The following GRIK4 variants were observed in gnomAD, a reference collection of about 807,000 sequenced individuals.
GRIK4 encodes the protein glutamate ionotropic receptor kainate type subunit 4.
In GRIK4, 40 loss-of-function variants were observed where a neutral mutation model predicts 104.9. That is an observed-to-expected ratio of 0.38 (90% confidence interval 0.30 to 0.50). The LOEUF is 0.50. Among genes scored for constraint, GRIK4 ranks in the 20% least tolerant of loss-of-function variants. The pLI is 0.93. For missense variants in GRIK4, 1,047 were observed against 1,308.1 expected (o/e 0.80, Z 3.08); for synonymous variants, 485 against 524.9 (o/e 0.92, Z 1.04).
intron 1 of GRIK4, among the ~76,000 whole-genome samples, chr11:120,636,864 G>C (rs1189704971): frequency 6.6e-6 from 1 of 151,890 alleles, no homozygotes; most frequent in Non-Finnish European, 1.5e-5. Flanking sequence ...GGAAGGAAGA[G>C]TTCTACTCTC....
chr11:120,516,049 C>T (rs1238764214), intron 1 of GRIK4, among the ~76,000 whole-genome samples: 3 of 152,174 alleles, frequency 2.0e-5, no homozygotes, highest in Non-Finnish European at 2.9e-5. Context: ...TGGGCATCCT[C>T]TGCCTTAAAA....
intron 18 of GRIK4, among the ~76,000 whole-genome samples, chr11:120,963,229 T>C (rs946467537): frequency 6.6e-6 from 1 of 152,208 alleles, no homozygotes; most frequent in Admixed American, 6.5e-5. Flanking sequence ...GTGTGGGTCA[T>C]GGAGAAGGGG....
At chr11:120,527,897 T>C (rs1469656760) in intron 1 of GRIK4, among the ~76,000 whole-genome samples, 1 of 152,212 alleles carries the variant, frequency 6.6e-6, no homozygotes, top group African/African-American at 2.4e-5. Flanking sequence ...GGTTAACCCC[T>C]TCAGCTGCTT....
chr11:120,819,203 C>T lies in GRIK4; in HGVS notation c.346-552C>T, dbSNP rs143162048. ...CTCCATGTGCGCATGTGTGTCTGTG[C>T]GGGAGCCCATCCCCGCCCCACTTCC... On this transcript the variant is annotated intron_variant, in intron 5 of 20. Coordinates refer to ENST00000527524, the MANE Select transcript of GRIK4 (RefSeq NM_014619.5). This position sits in a 1 kb window ranked among gnomAD's most constrained non-coding sequence, Gnocchi z 4.3. 3.9e-4 allele frequency among the ~76,000 whole-genome samples: 59 copies of T among 152,274 alleles called. 1 individual carries two copies. The East Asian group carries it at 8.9e-3, about 23-fold the overall frequency.
At chr11:120,942,376 C>T (rs535233271) in intron 14 of GRIK4, among the ~76,000 whole-genome samples, 3 of 152,290 alleles carry the variant, frequency 2.0e-5, no homozygotes, top group South Asian at 2.1e-4. Flanking sequence ...CCCCTGGAGT[C>T]GGGGGACATC....
chr11:120,610,618 A>C (rs1259652802), intron 1 of GRIK4, among the ~76,000 whole-genome samples: 1 of 152,082 alleles, frequency 6.6e-6, no homozygotes, highest in African/African-American at 2.4e-5. Flanking sequence ...GGTAGGGGAC[A>C]CTGTCATTCA....
intron 5 of GRIK4, among the ~76,000 whole-genome samples, chr11:120,817,386 G>C (rs966371114): frequency 1.3e-5 from 2 of 152,206 alleles, no homozygotes. Flanking sequence ...ACCCGCCTTT[G>C]TCTGGTTATG....
At chr11:120,541,843 T>C (rs1202914332) in intron 1 of GRIK4, among the ~76,000 whole-genome samples, 1 of 152,100 alleles carries the variant, frequency 6.6e-6, no homozygotes, top group Non-Finnish European at 1.5e-5. Context: ...TTGGAAGATA[T>C]CCCATGGATT....
intron 1 of GRIK4, among the ~76,000 whole-genome samples, chr11:120,631,891 G>C (rs1292227587): frequency 1.3e-5 from 2 of 151,852 alleles, no homozygotes; most frequent in Non-Finnish European, 2.9e-5. Flanking sequence ...TTGGAGCTTG[G>C]TGGGGTGGGG....
chr11:120,528,425 T>C (rs1311691281), intron 1 of GRIK4, among the ~76,000 whole-genome samples: 1 of 152,212 alleles, frequency 6.6e-6, no homozygotes, highest in Non-Finnish European at 1.5e-5. Flanking sequence ...AATTTTTTTA[T>C]ATTAAGTCTG....
intron 1 of GRIK4, among the ~76,000 whole-genome samples, chr11:120,569,211 C>A (rs1948367422): frequency 6.6e-6 from 1 of 152,214 alleles, no homozygotes; most frequent in Non-Finnish European, 1.5e-5. Context: ...ACCAGGCACG[C>A]CCCGCCCCAT....
intron 3 of GRIK4, among the ~76,000 whole-genome samples, chr11:120,794,798 G>A (rs922415943): frequency 6.6e-6 from 1 of 152,168 alleles, no homozygotes; most frequent in Admixed American, 6.5e-5. Context: ...TGTGGGAGGA[G>A]CTGGCTGAGC....
chr11:120,636,288 AC>A (rs1210525966), intron 1 of GRIK4, among the ~76,000 whole-genome samples: 8 of 152,046 alleles, frequency 5.3e-5, no homozygotes, highest in African/African-American at 1.7e-4. Flanking sequence ...CCGTCTTCTG[AC>A]CCCTACCCCA....
intron 1 of GRIK4, among the ~76,000 whole-genome samples, chr11:120,634,405 C>T (rs1949370581): frequency 6.6e-6 from 1 of 152,088 alleles, no homozygotes; most frequent in Non-Finnish European, 1.5e-5. Flanking sequence ...CCCACACCAC[C>T]CCGCCACCAT....
rs555002902 is a variant in GRIK4, at chr11:120,729,109, T to C, written c.82+68709T>C. ...ATAATATTATCTCATTTTTTATGGC[T>C]GAATAGTACTCCATTGTGTATATGT... On this transcript the variant is annotated intron_variant, in intron 3 of 20. Transcript: ENST00000527524. 2.8e-4 allele frequency among the ~76,000 whole-genome samples: 43 copies of C among 152,366 alleles called. 1 individual carries two copies. The South Asian group carries it at 8.9e-3, about 32-fold the overall frequency.
intron 8 of GRIK4, among the ~76,000 whole-genome samples, chr11:120,847,311 A>G (rs1230383303): frequency 6.6e-6 from 1 of 152,210 alleles, no homozygotes; most frequent in African/African-American, 2.4e-5. Context: ...TGGGGATACA[A>G]TGAAGAATAA....
chr11:120,817,222 G>A (rs1380969815), intron 5 of GRIK4, among the ~76,000 whole-genome samples: 5 of 151,680 alleles, frequency 3.3e-5, no homozygotes, highest in Admixed American at 2.6e-4. Context: ...CCTCCTTTTG[G>A]GGTTCAGTGG....
chr11:120,582,899 A>G (rs1948608178), intron 1 of GRIK4, among the ~76,000 whole-genome samples: 2 of 152,220 alleles, frequency 1.3e-5, no homozygotes, highest in Non-Finnish European at 2.9e-5. Flanking sequence ...TGCTGGGTCA[A>G]ATGTTAATTC....
chr11:120,961,041 A>T lies in GRIK4; in HGVS notation c.2007A>T (p.Thr669=). Residue 669 remains threonine, a synonymous_variant, in exon 17 of 21, where the codon ACA becomes ACT. Transcript: ENST00000527524. The part of the protein sequence containing the change: ...LADQTAIEYG[T]IHGGSSMTFF... ...ACCAGACCGCCATTGAATATGGCACAATTCACGGAGGCTCCAGCATGACCT... is the reference window on the plus strand; with the variant it reads ...ACCAGACCGCCATTGAATATGGCACTATTCACGGAGGCTCCAGCATGACCT... The T allele has an allele frequency of 6.2e-7, 1 of 1,614,172 alleles. No homozygotes were observed. The highest frequency in any genetic ancestry group is 1.1e-5 in the South Asian group (1 of 91,074).
Sources: allele counts gnomAD v4.1 joint callset (sites outside exome capture counted in the v4.1 genomes callset), GRCh38; gene constraint gnomAD v4.1.1; non-coding constraint Gnocchi (gnomAD v3.1); transcripts MANE v1.5; gene names NCBI Gene and HGNC (gene_info 2026-07-23, HGNC 2026-07-21).